SLC9C1: variants seen among roughly 807,000 people sequenced by gnomAD.
SLC9C1 encodes the protein sodium/hydrogen exchanger 10.
In SLC9C1, 97 loss-of-function variants were observed where a neutral mutation model predicts 140.9. The ratio of observed to expected loss-of-function variants is 0.69; its 90% CI spans 0.58 to 0.82. The LOEUF (loss-of-function observed/expected upper bound fraction) is 0.82, where lower values mean the gene tolerates loss of function less well. Ranked by LOEUF, SLC9C1 falls within the 40% of genes least tolerant of loss-of-function variation. The pLI is 0.00. For synonymous variants in SLC9C1, 440 were observed against 442.6 expected (o/e 0.99, Z 0.07); for missense variants, 1,340 against 1,389.3 (o/e 0.96, Z 0.56).
chr3:112,263,927 TAC>T (rs1335734357), intron 9 of SLC9C1, among the ~76,000 whole-genome samples: 1 of 151,852 alleles, frequency 6.6e-6, no homozygotes, highest in Non-Finnish European at 1.5e-5. Flanking sequence ...TTATAATAGG[TAC>T]TTAACTTCAT....
intron 28 of SLC9C1, among the ~76,000 whole-genome samples, chr3:112,150,994 C>T (rs367876570): frequency 6.6e-5 from 10 of 151,432 alleles, no homozygotes; most frequent in South Asian, 6.3e-4. Context: ...TCTGCCACAG[C>T]GCCTGGCTAA....
chr3:112,200,874 G>T lies in SLC9C1; in HGVS notation c.2323-112C>A. 1.4e-5 allele frequency: 13 copies of T among 923,760 alleles called. No homozygotes were observed. The South Asian group carries it at 2.2e-4, about 16-fold the overall frequency. The allele number at this position is 923,760 out of a possible 1,614,324, so 57.2% of individuals were successfully genotyped here. ...TAAGTTAATAGTTTTAAGAGAAGTAGGATGAAGAGGTTTTCAGGGGTTCGA... is the reference window on the plus strand; with the variant it reads ...TAAGTTAATAGTTTTAAGAGAAGTATGATGAAGAGGTTTTCAGGGGTTCGA... On this transcript the variant is annotated intron_variant, in intron 18 of 28. Transcript: ENST00000305815.
chr3:112,268,301 T>G lies in SLC9C1; in HGVS notation c.775+1615A>C, dbSNP rs1361294807. On this transcript the variant is annotated intron_variant, in intron 7 of 28. Transcript: ENST00000305815. ...TTATAATTGAATTTAATCCACTGAT[T>G]AATTCATTAGAAAGCCTCAAGATCC... Among the ~76,000 whole-genome samples, 9 of 152,308 alleles carry G rather than the reference T, an allele frequency of 5.9e-5. No individual in the cohort carries two copies. In the East Asian group the frequency reaches 1.5e-3, roughly 26 times the overall value.
intron 10 of SLC9C1, among the ~76,000 whole-genome samples, chr3:112,259,937 C>T (rs2079724465): frequency 6.6e-6 from 1 of 152,056 alleles, no homozygotes; most frequent in Non-Finnish European, 1.5e-5. Context: ...AAGTTTTTAT[C>T]ATGAATGGAT....
Position 112,168,944 on chromosome 3 carries a change from G to T in SLC9C1, c.3170C>A (p.Ala1057Asp). The change falls in exon 25 of 29, where the codon GCT becomes GAT. Residue 1057 changes from alanine to aspartate, a missense_variant. By Grantham distance (126) the Ala-to-Asp change is moderately radical (BLOSUM62 -2). Coordinates refer to ENST00000305815, the MANE Select transcript of SLC9C1 (RefSeq NM_183061.3). ...NLIYVILIHG[A>D]VEDCLLRKTY... Reference sequence around the variant, plus strand: ...TTTTCGTAACAGACAATCTTCTACAGCTCCATGTATGAGGATAACATAGAT... The same window carrying T: ...TTTTCGTAACAGACAATCTTCTACATCTCCATGTATGAGGATAACATAGAT... 2 of 1,610,928 alleles carry T rather than the reference G, an allele frequency of 1.2e-6. No individual in the cohort carries two copies. The highest frequency in any genetic ancestry group is 1.7e-6 in the Non-Finnish European group (2 of 1,179,130).
chr3:112,151,882 G>T lies in SLC9C1; in HGVS notation c.3499C>A (p.Pro1167Thr). ...LGTKFNCKES[P>T]RINLRKVRKE ...CTGACTTTCCTTAGGTTTATTCTAG[G>T]GGACTCCTTACAGTTGAACTTTGTC... Residue 1167 changes from proline (P) to threonine (T), a missense_variant, in exon 28 of 29, where the codon CCT (proline) becomes ACT (threonine). Transcript: ENST00000305815. 6.2e-7 allele frequency: 1 copy of T among 1,612,334 alleles called. No homozygotes were observed. Among genetic ancestry groups the T allele is most frequent in the Non-Finnish European group, 8.5e-7 (1 of 1,179,518 alleles).
In SLC9C1 at chr3:112,264,244, A is replaced by G. The variant is rs746570207; in HGVS notation, c.978T>C (p.Asp326=). ...AGTAGATATTTAATGAATAGTATAT[A>G]TCAACAAATTCTATATACAAATATG... ...AHTYLYIEFV[D]IYYSLNIYLT... is the part of the protein sequence containing the mutation. The change falls in exon 9 of 29, where the codon GAT becomes GAC. Residue 326 remains aspartate, a synonymous_variant. Transcript: ENST00000305815. 3 of 1,363,580 alleles carry G rather than the reference A, an allele frequency of 2.2e-6. No individual in the cohort carries two copies. The highest frequency in any genetic ancestry group is 5.2e-5 in the Admixed American group (2 of 38,768). 84.5% of individuals were successfully genotyped at this position (1,363,580 alleles called of 1,614,324 possible). A position where few individuals can be genotyped will look rare whatever the true frequency, so the allele number is the denominator to read the frequency against.
At position 112,263,076 on chromosome 3, in the gene SLC9C1, T is replaced by C. The variant is rs373379962; in HGVS notation, c.1045A>G (p.Ser349Gly). The C allele has an allele frequency of 3.2e-6, 5 of 1,576,458 alleles. No homozygotes were observed. In the African/African-American group the frequency reaches 6.9e-5, roughly 22 times the overall value. The change falls in exon 10 of 29, where the codon AGC becomes GGC. Residue 349 changes from serine (S) to glycine (G), a missense_variant. Physicochemically the swap from Ser to Gly is moderately conservative, Grantham distance 56 (BLOSUM62 0). Transcript: ENST00000305815. ...VLRFLTLLLI[S>G]PVLSRVGHEF... is the part of the protein sequence containing the mutation. ...TGACCAACTCGAGACAAAACAGGGC[T>C]TATTAAAAGAAGGGTCAGAAATCTA...
At chr3:112,211,593 G>A (rs182222409) in intron 15 of SLC9C1, among the ~76,000 whole-genome samples, 2 of 152,344 alleles carry the variant, frequency 1.3e-5, no homozygotes, top group East Asian at 1.9e-4. Flanking sequence ...CCACGCCCAC[G>A]GAGCCTCACT....
intron 10 of SLC9C1, among the ~76,000 whole-genome samples, chr3:112,257,797 T>G (rs1262879037): frequency 2.6e-5 from 4 of 152,166 alleles, no homozygotes; most frequent in Non-Finnish European, 4.4e-5. Context: ...TTGCCAACTA[T>G]GCATCTGACA....
chr3:112,238,644 G>A (rs1346858390), intron 12 of SLC9C1, among the ~76,000 whole-genome samples: 1 of 152,176 alleles, frequency 6.6e-6, no homozygotes, highest in Non-Finnish European at 1.5e-5. Flanking sequence ...TGGTGTGGAT[G>A]TCCTTTGTGT....
chr3:112,193,689 T>A (rs1186802979), intron 20 of SLC9C1, among the ~76,000 whole-genome samples: 2 of 151,834 alleles, frequency 1.3e-5, no homozygotes, highest in African/African-American at 4.8e-5. Flanking sequence ...GTTTTTCAGG[T>A]CTTGGGTGGG....
chr3:112,159,869 A>G lies in SLC9C1; in HGVS notation c.3365-4820T>C, dbSNP rs188161822. Among the ~76,000 whole-genome samples, 431 of 152,076 alleles carry G rather than the reference A, an allele frequency of 2.8e-3. 4 individuals carry two copies. The highest frequency in any genetic ancestry group is 9.7e-3 in the African/African-American group (404 of 41,522). ...CGATTTAAGGTCCATTTTATCTGAT[A>G]TAAGTTTAGCTACTCTTCCTCTTTT... is the stretch of plus-strand genomic sequence containing the variant. On this transcript the variant is annotated intron_variant, in intron 26 of 28. Transcript: ENST00000305815.
intron 8 of SLC9C1, 112 bp downstream of exon 8, chr3:112,266,126 T>G (rs762076465): frequency 6.1e-6 from 5 of 813,880 alleles, no homozygotes; most frequent in Non-Finnish European, 9.6e-6. Flanking sequence ...AGTTGGGTAG[T>G]TTTCAAGTCT....
intron 1 of SLC9C1, among the ~76,000 whole-genome samples, chr3:112,289,342 G>T (rs777510815): frequency 6.6e-6 from 1 of 152,212 alleles, no homozygotes; most frequent in Non-Finnish European, 1.5e-5. Flanking sequence ...TTTGGAAAAG[G>T]TCTATGGAAG....
Position 112,270,519 on chromosome 3 carries a change from G to T in SLC9C1, c.614-442C>A, listed in dbSNP as rs139332275. Reference sequence around the variant, plus strand: ...ATGCTGAACATTTTTTAATGTACCTGTTGACTGCTGAGTGCTGTAGCTCAT... The same window carrying T: ...ATGCTGAACATTTTTTAATGTACCTTTTGACTGCTGAGTGCTGTAGCTCAT... On this transcript the variant is annotated intron_variant, in intron 6 of 28. Coordinates refer to ENST00000305815, the MANE Select transcript of SLC9C1 (RefSeq NM_183061.3). Among the ~76,000 whole-genome samples the T allele has an allele frequency of 5.9e-5, 9 of 152,274 alleles. No individual in the cohort carries two copies. The East Asian group carries it at 1.7e-3, about 29-fold the overall frequency.
intron 11 of SLC9C1, among the ~76,000 whole-genome samples, chr3:112,241,065 C>T (rs2079127007): frequency 6.6e-6 from 1 of 152,050 alleles, no homozygotes; most frequent in Non-Finnish European, 1.5e-5. Context: ...TTTGACAACA[C>T]AATAAGGTGA....
At chr3:112,229,288 C>T (rs936606769) in intron 13 of SLC9C1, among the ~76,000 whole-genome samples, 1 of 151,966 alleles carries the variant, frequency 6.6e-6, no homozygotes, top group Non-Finnish European at 1.5e-5. Flanking sequence ...ATAGTAAACA[C>T]TAATCTATTG....
chr3:112,227,836 A>G (rs1422066531), intron 13 of SLC9C1, among the ~76,000 whole-genome samples: 1 of 152,116 alleles, frequency 6.6e-6, no homozygotes, highest in Non-Finnish European at 1.5e-5. Flanking sequence ...CCAAAAATAC[A>G]TAAGAATACA....
Sources: gnomAD v4.1 joint callset for allele counts (sites outside exome capture counted in the v4.1 genomes callset) on GRCh38, gnomAD v4.1.1 for gene constraint, MANE v1.5 for transcripts, NCBI Gene and HGNC (gene_info 2026-07-23, HGNC 2026-07-21) for gene names.